The following MIS18A variants were observed in gnomAD, a reference collection of about 807,000 sequenced individuals.
The protein encoded by MIS18A is MIS18 kinetochore protein A, also known as protein Mis18-alpha.
Under a neutral mutation model 25.0 loss-of-function variants are expected in MIS18A, and 14 were observed. The ratio of observed to expected loss-of-function variants is 0.56; its 90% confidence interval spans 0.37 to 0.88. The LOEUF (loss-of-function observed/expected upper bound fraction) is 0.88. Ranked by LOEUF, MIS18A falls within the 40% of genes least tolerant of loss-of-function variation. MIS18A has a pLI of 0.00. For missense variants in MIS18A, 292 were observed against 290.8 expected (o/e 1.00, Z -0.03); for synonymous variants, 134 against 118.6 (o/e 1.13, Z -0.84).
the MIS18A span, among the ~76,000 whole-genome samples, chr21:32,171,779 G>A: frequency 2.0e-5 from 3 of 151,858 alleles, no homozygotes; most frequent in East Asian, 1.9e-4. Flanking sequence ...ATTGTTATAC[G>A]GCACATGATT....
chr21:32,235,730 C>T, the MIS18A span, among the ~76,000 whole-genome samples: 1 of 152,218 alleles, frequency 6.6e-6, no homozygotes, highest in Non-Finnish European at 1.5e-5. Flanking sequence ...ACACCGCGTT[C>T]AGGCACGGTT....
the MIS18A span, among the ~76,000 whole-genome samples, chr21:32,187,761 C>T: frequency 3.5e-3 from 526 of 152,240 alleles, 2 homozygotes; most frequent in Middle Eastern, 0.02. Context: ...CAGAGGATTT[C>T]AGGAAGTTGC....
the MIS18A span, among the ~76,000 whole-genome samples, chr21:32,194,221 G>A: frequency 1.3e-5 from 2 of 152,134 alleles, no homozygotes; most frequent in Non-Finnish European, 2.9e-5. Context: ...TTCATGAGTA[G>A]GTCCTTCTGT....
the MIS18A span, among the ~76,000 whole-genome samples, chr21:32,254,920 C>G: frequency 6.6e-6 from 1 of 152,002 alleles, no homozygotes; most frequent in South Asian, 2.1e-4. Context: ...TACATAACGC[C>G]GAGAGTTTGG....
the MIS18A span, among the ~76,000 whole-genome samples, chr21:32,232,031 T>G: frequency 3.3e-5 from 5 of 152,224 alleles, no homozygotes; most frequent in Admixed American, 3.3e-4. Flanking sequence ...ATGCCCATGT[T>G]CACTGCTGCA....
chr21:32,184,576 C>T, the MIS18A span, among the ~76,000 whole-genome samples: 19 of 152,144 alleles, frequency 1.2e-4, no homozygotes, highest in African/African-American at 3.1e-4. Flanking sequence ...ACCTGATATC[C>T]GTGATATGTG....
At chr21:32,255,512 C>T in the MIS18A span, among the ~76,000 whole-genome samples, 41 of 149,200 alleles carry the variant, frequency 2.7e-4, no homozygotes, top group Non-Finnish European at 5.2e-4. Flanking sequence ...GGATTACGGG[C>T]GTGAGCCACC....
chr21:32,185,594 A>C, the MIS18A span, among the ~76,000 whole-genome samples: 1 of 152,162 alleles, frequency 6.6e-6, no homozygotes, highest in African/African-American at 2.4e-5. Flanking sequence ...ATTCTCAATT[A>C]GTGTAGAACC....
chr21:32,266,566 A>G (rs552241310), downstream of MIS18A, among the ~76,000 whole-genome samples: 2 of 152,058 alleles, frequency 1.3e-5, no homozygotes, highest in South Asian at 4.2e-4. Context: ...CCACTAGCCC[A>G]CCGGGAGGAA....
chr21:32,164,577 C>G, the MIS18A span, among the ~76,000 whole-genome samples: 1 of 151,874 alleles, frequency 6.6e-6, no homozygotes, highest in Non-Finnish European at 1.5e-5. Flanking sequence ...ACACAGTAAA[C>G]TGGGATACTT....
chr21:32,186,948 T>G, the MIS18A span, among the ~76,000 whole-genome samples: 1 of 152,102 alleles, frequency 6.6e-6, no homozygotes, highest in African/African-American at 2.4e-5. Context: ...GGCAGATTAT[T>G]ATTAGGCTGA....
intron 2 of MIS18A, 138 bp from the exon 3 acceptor site, chr21:32,270,667 G>A (rs987106003): frequency 1.2e-6 from 1 of 853,716 alleles, no homozygotes; most frequent in Non-Finnish European, 1.6e-6. Context: ...TAAAGGATAG[G>A]AAAAAATGAT....
chr21:32,239,780 A>G, the MIS18A span, among the ~76,000 whole-genome samples: 6 of 152,236 alleles, frequency 3.9e-5, no homozygotes, highest in African/African-American at 1.4e-4. Flanking sequence ...TTTTAAACAA[A>G]GGAAGCTCAA....
the MIS18A span, among the ~76,000 whole-genome samples, chr21:32,170,442 T>C: frequency 6.6e-6 from 1 of 152,202 alleles, no homozygotes; most frequent in African/African-American, 2.4e-5. Context: ...TATATTTATA[T>C]AGAAAATATA....
the MIS18A span, among the ~76,000 whole-genome samples, chr21:32,252,245 G>GAGA: frequency 1.8e-5 from 1 of 56,082 alleles, no homozygotes; most frequent in Admixed American, 1.8e-4. Context: ...GAAGAAGGAG[G>GAGA]AGGAGGAGGA....
chr21:32,276,782 T>A (rs183350564), intron 1 of MIS18A, among the ~76,000 whole-genome samples: 80 of 152,132 alleles, frequency 5.3e-4, no homozygotes, highest in Admixed American at 2.4e-3. Context: ...ATTTAAAGAT[T>A]AGCCAGGTGT....
chr21:32,231,487 C>T, the MIS18A span, among the ~76,000 whole-genome samples: 4 of 152,186 alleles, frequency 2.6e-5, no homozygotes, highest in African/African-American at 4.8e-5. Flanking sequence ...AACCACAATG[C>T]GATATCACGT....
chr21:32,273,306 G>A (rs1385804013), intron 2 of MIS18A, among the ~76,000 whole-genome samples: 1 of 151,824 alleles, frequency 6.6e-6, no homozygotes, highest in African/African-American at 2.4e-5. Context: ...TTACACCATT[G>A]CTGATAATCT....
At chr21:32,182,525 T>C in the MIS18A span, among the ~76,000 whole-genome samples, 1 of 152,206 alleles carries the variant, frequency 6.6e-6, no homozygotes, top group African/African-American at 2.4e-5. Context: ...ATCCATTTCA[T>C]CATTCCCGGC....
Sources: gnomAD v4.1 joint callset for allele counts (sites outside exome capture counted in the v4.1 genomes callset) on GRCh38, gnomAD v4.1.1 for gene constraint, MANE v1.5 for transcripts, NCBI Gene and HGNC (gene_info 2026-07-23, HGNC 2026-07-21) for gene names.